The following SLC6A7 variants were observed in gnomAD, a reference collection of about 807,000 sequenced individuals.
SLC6A7 encodes solute carrier family 6 member 7.
In SLC6A7, 58 loss-of-function variants were observed where a neutral mutation model predicts 73.1. The ratio of observed to expected loss-of-function variants is 0.79; its 90% CI spans 0.64 to 0.99. SLC6A7 has a LOEUF of 0.99. Among genes scored for constraint, SLC6A7 ranks in the 50% least tolerant of loss-of-function variants. The pLI, the probability that SLC6A7 is intolerant of heterozygous loss-of-function variation, is 0.00. For synonymous variants in SLC6A7, 338 were observed against 338.7 expected, an observed-to-expected ratio of 1.00 and a Z score of 0.02; for missense variants, 783 against 831.4, an observed-to-expected ratio of 0.94 and a Z score of 0.72.
Position 150,209,390 on chromosome 5 carries a change from C to A in SLC6A7, c.1702-16C>A. The A allele has an allele frequency of 6.2e-7, 1 of 1,609,414 alleles. No individual in the cohort carries two copies. Among genetic ancestry groups the A allele is most frequent in the South Asian group, 1.1e-5 (1 of 90,908 alleles). ...GCCTGTTTCCTGTTTTCACTGCTCT[C>A]GTTGCTTTGCTGCAGCGGCTCCAAC... On this transcript the variant is annotated splice_polypyrimidine_tract_variant and intron_variant, in intron 13 of 13. Coordinates refer to ENST00000230671, the MANE Select transcript of SLC6A7 (RefSeq NM_014228.5).
chr5:150,194,991 T>TCAGC, intron 2 of SLC6A7, 80 bp downstream of exon 2: 1 of 1,258,900 alleles, frequency 7.9e-7, no homozygotes, highest in Non-Finnish European at 1.1e-6. Context: ...TTAGGTGGCC[T>TCAGC]CAGCCACTGT....
chr5:150,202,782 T>C, intron 8 of SLC6A7, 79 bp downstream of exon 8: 1 of 1,513,420 alleles, frequency 6.6e-7, no homozygotes, highest in Non-Finnish European at 9.0e-7. Flanking sequence ...ACCAGCAAGA[T>C]TATGGATGGG....
intron 4 of SLC6A7, among the ~76,000 whole-genome samples, chr5:150,198,355 C>T (rs926865455): frequency 1.3e-5 from 2 of 152,240 alleles, no homozygotes; most frequent in Non-Finnish European, 2.9e-5. Flanking sequence ...AGATAGGCTC[C>T]GTGTCTTGAA....
rs1753949418 is a variant in SLC6A7 at position 150,210,932 on chromosome 5, A to G, written c.*1317A>G. On this transcript the variant is annotated 3_prime_UTR_variant, in exon 14 of 14. Transcript: ENST00000230671. ...CCTCAGCATGGCTCATGCACACAGCATTCTCCCGTGGGGCAGGGTTCCCTC... is the reference window on the plus strand; with the variant it reads ...CCTCAGCATGGCTCATGCACACAGCGTTCTCCCGTGGGGCAGGGTTCCCTC... The G allele has an allele frequency of 6.6e-6, 1 of 152,490 alleles. No individual in the cohort carries two copies. Among genetic ancestry groups the G allele is most frequent in the African/African-American group, 2.4e-5 (1 of 41,426 alleles). 9.4% of individuals were successfully genotyped at this position (152,490 alleles called of 1,614,324 possible). A position where few individuals can be genotyped will look rare whatever the true frequency, so the allele number is the denominator to read the frequency against.
At position 150,209,420 on chromosome 5, in the gene SLC6A7, C is replaced by G; in HGVS notation, c.1716C>G (p.Ala572=). 1 of 1,613,562 alleles carries G rather than the reference C, an allele frequency of 6.2e-7. No individual in the cohort carries two copies. Among genetic ancestry groups the G allele is most frequent in the Non-Finnish European group, 8.5e-7 (1 of 1,179,978 alleles). Residue 572 remains alanine, a synonymous_variant, in exon 14 of 14, where the codon GCC becomes GCG. Coordinates refer to ENST00000230671, the MANE Select transcript of SLC6A7 (RefSeq NM_014228.5). The part of the protein sequence containing the change: ...EGSLWERLQQ[A]SRPAMDWGPS... Reference sequence around the variant, plus strand: ...CTTTGCTGCAGCGGCTCCAACAGGCCAGCCGGCCGGCCATGGACTGGGGAC... The same window carrying G: ...CTTTGCTGCAGCGGCTCCAACAGGCGAGCCGGCCGGCCATGGACTGGGGAC...
Position 150,202,395 on chromosome 5 carries a change from T to A in SLC6A7, c.907T>A (p.Phe303Ile), listed in dbSNP as rs755614528. 6.2e-7 allele frequency: 1 copy of A among 1,614,164 alleles called. No homozygotes were observed. The highest frequency in any genetic ancestry group is 8.5e-7 in the Non-Finnish European group (1 of 1,180,010). Residue 303 changes from phenylalanine (F) to isoleucine (I), a missense_variant, in exon 7 of 14, where the codon TTC becomes ATC. Phe to Ile is a conservative substitution (Grantham distance 21, BLOSUM62 0). Coordinates refer to ENST00000230671, the MANE Select transcript of SLC6A7 (RefSeq NM_014228.5). ...GATCTTCTATTCCCTGGGTGTGGGC[T>A]TCGGGGGGCTCCTCACCTTTGCCTC... ...LQIFYSLGVG[F>I]GGLLTFASYN...
chr5:150,206,985 G>T (rs926140559), intron 13 of SLC6A7, among the ~76,000 whole-genome samples: 1 of 152,180 alleles, frequency 6.6e-6, no homozygotes, highest in Non-Finnish European at 1.5e-5. Flanking sequence ...TGAGCACTGC[G>T]GAAGAGGCAT....
At chr5:150,193,322 T>C (rs922584230) in intron 1 of SLC6A7, among the ~76,000 whole-genome samples, 1 of 152,224 alleles carries the variant, frequency 6.6e-6, no homozygotes, top group Non-Finnish European at 1.5e-5. Flanking sequence ...TAGGAACAGC[T>C]GGCCTCCGCT....
chr5:150,208,881 G>C (rs1168332594), intron 13 of SLC6A7, among the ~76,000 whole-genome samples: 1 of 152,194 alleles, frequency 6.6e-6, no homozygotes. Flanking sequence ...GGTCGGGGCT[G>C]GAAGAAACCG....
chr5:150,206,800 G>T (rs1753723487), intron 13 of SLC6A7, among the ~76,000 whole-genome samples: 1 of 152,222 alleles, frequency 6.6e-6, no homozygotes, highest in African/African-American at 2.4e-5. Context: ...GAGGGGAGTT[G>T]CTTAGGGGGG....
chr5:150,190,072 T>A lies in SLC6A7; in HGVS notation c.-256T>A, dbSNP rs1752696766. ...CCCCGCCGTCCGTCCGTCAGCTGTC[T>A]GTCTGGGTGTCTATGCGGGCGCAGC... On this transcript the variant is annotated 5_prime_UTR_variant, in exon 1 of 14. Coordinates refer to ENST00000230671, the MANE Select transcript of SLC6A7 (RefSeq NM_014228.5). The A allele has an allele frequency of 2.5e-6, 1 of 392,770 alleles. No individual in the cohort carries two copies. Among genetic ancestry groups the A allele is most frequent in the Non-Finnish European group, 4.5e-6 (1 of 223,388 alleles). The allele number at this position is 392,770 out of a possible 1,614,324, so 24.3% of individuals were successfully genotyped here. A position where few individuals can be genotyped will look rare whatever the true frequency, so the allele number is the denominator to read the frequency against.
Position 150,209,459 on chromosome 5 carries a change from G to C in SLC6A7, c.1755G>C (p.Glu585Asp). Residue 585 changes from glutamate to aspartate, a missense_variant, in exon 14 of 14, where the codon GAG becomes GAC. Transcript: ENST00000230671. ...TGGACTGGGGACCATCGCTGGAGGAGAACCGGACGGGCATGTATGTGGCCA... is the reference window on the plus strand; with the variant it reads ...TGGACTGGGGACCATCGCTGGAGGACAACCGGACGGGCATGTATGTGGCCA... ...PAMDWGPSLEENRTGMYVATL... is the reference protein window; with the variant it reads ...PAMDWGPSLEDNRTGMYVATL... The C allele has an allele frequency of 1.2e-6, 2 of 1,614,176 alleles. No individual in the cohort carries two copies. Among genetic ancestry groups the C allele is most frequent in the Non-Finnish European group, 8.5e-7 (1 of 1,180,052 alleles).
At chr5:150,192,721 A>G (rs1752842863) in intron 1 of SLC6A7, among the ~76,000 whole-genome samples, 1 of 152,178 alleles carries the variant, frequency 6.6e-6, no homozygotes, top group Non-Finnish European at 1.5e-5. Context: ...TTGGAACTCT[A>G]GTCACCATGG....
chr5:150,192,497 C>A (rs1752831927), intron 1 of SLC6A7, among the ~76,000 whole-genome samples: 1 of 152,202 alleles, frequency 6.6e-6, no homozygotes, highest in Non-Finnish European at 1.5e-5. Context: ...AGCTTCCAGC[C>A]CTGCCCCAGC....
intron 1 of SLC6A7, among the ~76,000 whole-genome samples, chr5:150,194,432 TAAA>T (rs57988226): frequency 5.6e-5 from 7 of 124,286 alleles, no homozygotes; most frequent in African/African-American, 8.8e-5. Flanking sequence ...CTTTCTCAAT[TAAA>T]AAAAAAAAAA....
rs544861684 is a variant in SLC6A7 at position 150,191,854 on chromosome 5, G to A, written c.33+1494G>A. Among the ~76,000 whole-genome samples, 6 of 152,006 alleles carry A rather than the reference G, an allele frequency of 3.9e-5. No individual in the cohort carries two copies. In the East Asian group the frequency reaches 1.2e-3, roughly 30 times the overall value. On this transcript the variant is annotated intron_variant, in intron 1 of 13. Coordinates refer to ENST00000230671, the MANE Select transcript of SLC6A7 (RefSeq NM_014228.5). ...TCTCTGCCCTCCCTCCCCACAAGAG[G>A]CCCTGTCCCTCTTGCTGGGTGCTGG...
intron 2 of SLC6A7, chr5:150,195,145 G>A (rs1752960849): frequency 4.1e-6 from 2 of 483,094 alleles, no homozygotes; most frequent in Non-Finnish European, 7.5e-6. Flanking sequence ...TACCCACATG[G>A]TTCCCTCTCT....
intron 8 of SLC6A7, among the ~76,000 whole-genome samples, chr5:150,203,254 A>G (rs2240792): frequency 0.42 from 63,292 of 151,918 alleles, 13,892 homozygotes; most frequent in Non-Finnish European, 0.5. Flanking sequence ...AGATTGTCAC[A>G]TTTTGTGCTT....
At position 150,210,404 on chromosome 5, in the gene SLC6A7, GGGATTTGCATGATGA is replaced by G; in HGVS notation, c.*793_*807del. ...GAGCCAGGGATGATGGGGTGGGCAG[GGGATTTGCATGATGA>G]GGAGTATCATTCCAGATCTGTGCAG... On this transcript the variant is annotated 3_prime_UTR_variant, in exon 14 of 14. Coordinates refer to ENST00000230671, the MANE Select transcript of SLC6A7 (RefSeq NM_014228.5). 1 of 153,210 alleles carries G rather than the reference GGGATTTGCATGATGA, an allele frequency of 6.5e-6. No homozygotes were observed. Among genetic ancestry groups the G allele is most frequent in the East Asian group, 1.9e-4 (1 of 5,326 alleles). 9.5% of individuals were successfully genotyped at this position (153,210 alleles called of 1,614,324 possible).
Sources: allele counts gnomAD v4.1 joint callset (sites outside exome capture counted in the v4.1 genomes callset), GRCh38; gene constraint gnomAD v4.1.1; transcripts MANE v1.5; gene names NCBI Gene and HGNC (gene_info 2026-07-23, HGNC 2026-07-21).